Variants in SLC39A11 observed in about 807,000 individuals in gnomAD.
The protein encoded by SLC39A11 is solute carrier family 39 member 11.
In SLC39A11, 33 loss-of-function variants were observed where a neutral mutation model predicts 36.1. The observed-to-expected ratio is 0.91, with a 90% confidence interval of 0.69 to 1.22. The LOEUF is 1.22. Among genes scored for constraint, SLC39A11 ranks in the 50% most tolerant of loss-of-function variants. SLC39A11 has a pLI of 0.00. For synonymous variants in SLC39A11, 166 were observed against 170.3 expected, an observed-to-expected ratio of 0.97 and a Z score of 0.20; for missense variants, 432 against 430.3, an observed-to-expected ratio of 1.00 and a Z score of -0.03.
chr17:73,009,465 A>G (rs1163617428), intron 4 of SLC39A11, among the ~76,000 whole-genome samples: 1 of 152,146 alleles, frequency 6.6e-6, no homozygotes, highest in Admixed American at 6.5e-5. Flanking sequence ...AAGGTCACAT[A>G]TTATAGGATT....
chr17:73,034,406 G>A (rs2058836589), intron 3 of SLC39A11, among the ~76,000 whole-genome samples: 1 of 152,160 alleles, frequency 6.6e-6, no homozygotes, highest in African/African-American at 2.4e-5. Context: ...ATTTTTAGTA[G>A]AGACAGGGTT....
At position 73,041,520 on chromosome 17, in the gene SLC39A11, C is replaced by A. The variant is rs192861520; in HGVS notation, c.148-9806G>T. ...CCCAGGCAGCCAGGCAACTGTCCCA[C>A]CAGACATTGCAGGACCCCCAGCCCA... On this transcript the variant is annotated intron_variant, in intron 3 of 9. Coordinates refer to ENST00000255559, the MANE Select transcript of SLC39A11 (RefSeq NM_139177.4). Among the ~76,000 whole-genome samples, 416 of 152,324 alleles carry A rather than the reference C, an allele frequency of 2.7e-3. 10 individuals carry two copies. The highest frequency in any genetic ancestry group is 0.025 in the Admixed American group (384 of 15,290).
intron 5 of SLC39A11, among the ~76,000 whole-genome samples, chr17:72,910,382 G>A (rs2082915466): frequency 6.6e-6 from 1 of 152,144 alleles, no homozygotes; most frequent in African/African-American, 2.4e-5. Context: ...CCAGCACTTT[G>A]GGAGGCTGAG....
intron 4 of SLC39A11, among the ~76,000 whole-genome samples, chr17:72,961,179 A>G (rs1427187235): frequency 6.6e-6 from 1 of 152,234 alleles, no homozygotes; most frequent in African/African-American, 2.4e-5. Context: ...ATAAGGCTGG[A>G]AAGAAATATG....
intron 4 of SLC39A11, chr17:72,992,797 C>T (rs1450555213): frequency 6.6e-6 from 1 of 152,152 alleles, no homozygotes; most frequent in Admixed American, 6.5e-5. Flanking sequence ...CAGATTGGCA[C>T]ATGGGGGATG....
At chr17:72,694,636 G>A (rs2072202118) in intron 7 of SLC39A11, among the ~76,000 whole-genome samples, 1 of 152,212 alleles carries the variant, frequency 6.6e-6, no homozygotes, top group Admixed American at 6.5e-5. Context: ...ATGGTGGCCA[G>A]AAGATGACGG....
intron 4 of SLC39A11, among the ~76,000 whole-genome samples, chr17:72,949,801 T>C (rs1283637625): frequency 6.6e-6 from 1 of 151,878 alleles, no homozygotes; most frequent in Non-Finnish European, 1.5e-5. Flanking sequence ...AAGTTTTCAT[T>C]TAAAACATGT....
intron 7 of SLC39A11, among the ~76,000 whole-genome samples, chr17:72,732,176 C>A (rs2074258685): frequency 6.6e-6 from 1 of 150,712 alleles, no homozygotes; most frequent in Admixed American, 6.6e-5. Flanking sequence ...ACCACCACAC[C>A]CGGCTAATTT....
intron 3 of SLC39A11, among the ~76,000 whole-genome samples, chr17:73,051,273 G>A (rs574290010): frequency 6.6e-6 from 1 of 152,182 alleles, no homozygotes; most frequent in Non-Finnish European, 1.5e-5. Flanking sequence ...TCCTAATGTG[G>A]TATGACCTCA....
At chr17:73,042,229 A>C (rs2059133015) in intron 3 of SLC39A11, among the ~76,000 whole-genome samples, 1 of 152,166 alleles carries the variant, frequency 6.6e-6, no homozygotes, top group Admixed American at 6.5e-5. Context: ...CAAGCCACAA[A>C]ACAAAATTTT....
At chr17:73,021,944 CGT>C (rs766575752) in intron 4 of SLC39A11, among the ~76,000 whole-genome samples, 1 of 152,202 alleles carries the variant, frequency 6.6e-6, no homozygotes, top group African/African-American at 2.4e-5. Context: ...CCACGCAGTG[CGT>C]GTGTGTGTGC....
chr17:72,802,720 A>T (rs1032892567), intron 6 of SLC39A11, among the ~76,000 whole-genome samples: 1 of 152,120 alleles, frequency 6.6e-6, no homozygotes, highest in African/African-American at 2.4e-5. Flanking sequence ...GGGGCTGGAA[A>T]AGCCATTTGT....
In SLC39A11 at chr17:72,648,827, T is replaced by C; in HGVS notation, c.905A>G (p.Asp302Gly). 6.2e-7 allele frequency: 1 copy of C among 1,614,170 alleles called. No individual in the cohort carries two copies. Among genetic ancestry groups the C allele is most frequent in the Admixed American group, 1.7e-5 (1 of 60,022 alleles). Residue 302 changes from aspartate to glycine, a missense_variant, in exon 9 of 10, where the codon GAC (aspartate) becomes GGC (glycine). By Grantham distance (94) the Asp-to-Gly change is moderately conservative (BLOSUM62 -1). Transcript: ENST00000255559. ...AGAMVYVVMD[D>G]IIPEAQISGN... ...CCTGATCTGGGCTTCGGGGATGATG[T>C]CGTCCATGACCACGTAGACCATGGC...
At chr17:72,666,332 G>A (rs1455993308) in intron 7 of SLC39A11, among the ~76,000 whole-genome samples, 1 of 152,106 alleles carries the variant, frequency 6.6e-6, no homozygotes, top group Non-Finnish European at 1.5e-5. Context: ...AGCATAAACC[G>A]ACCACTCCAA....
intron 4 of SLC39A11, among the ~76,000 whole-genome samples, chr17:72,975,953 G>C (rs937153964): frequency 6.6e-6 from 1 of 151,608 alleles, no homozygotes; most frequent in African/African-American, 2.4e-5. Context: ...GGTGGATCAC[G>C]AGGTCAGGAG....
intron 5 of SLC39A11, among the ~76,000 whole-genome samples, chr17:72,884,182 AC>A (rs1455731041): frequency 6.6e-6 from 1 of 151,430 alleles, no homozygotes; most frequent in Non-Finnish European, 1.5e-5. Flanking sequence ...AAAGAAAGAA[AC>A]CTTATAAAGG....
chr17:72,686,809 C>T (rs1056500163), intron 7 of SLC39A11, among the ~76,000 whole-genome samples: 1 of 152,176 alleles, frequency 6.6e-6, no homozygotes, highest in Non-Finnish European at 1.5e-5. Flanking sequence ...ATTAGAGTAT[C>T]TTCTAAACAG....
intron 3 of SLC39A11, among the ~76,000 whole-genome samples, chr17:73,033,603 G>A (rs942696472): frequency 1.3e-5 from 2 of 152,098 alleles, no homozygotes. Context: ...CTCCAGCACT[G>A]ACCAAACTAA....
intron 6 of SLC39A11, among the ~76,000 whole-genome samples, chr17:72,840,693 G>A (rs1294610396): frequency 1.3e-5 from 2 of 151,646 alleles, no homozygotes; most frequent in South Asian, 4.2e-4. Context: ...GGAGGCGGAG[G>A]TTGCAGTGAG....
Sources: allele counts gnomAD v4.1 joint callset (sites outside exome capture counted in the v4.1 genomes callset), GRCh38; gene constraint gnomAD v4.1.1; transcripts MANE v1.5; gene names NCBI Gene and HGNC (gene_info 2026-07-23, HGNC 2026-07-21).